MGAM: variants seen among roughly 807,000 people sequenced by gnomAD.
MGAM encodes the protein maltase-glucoamylase, also known as alpha-1,4-glucosidase.
Under a neutral mutation model 358.8 loss-of-function variants are expected in MGAM, and 253 were observed. That is an observed-to-expected ratio of 0.71 (90% CI 0.64 to 0.78). The LOEUF is 0.78. MGAM is among the 30% of genes least tolerant of loss of function. MGAM has a pLI of 0.00. For synonymous variants in MGAM, 1,105 were observed against 1,227.1 expected, an observed-to-expected ratio of 0.90 and a Z score of 2.08; for missense variants, 3,080 against 3,432.6, an observed-to-expected ratio of 0.90 and a Z score of 2.57.
At chr7:142,041,927 TAATATATATATTA>T (rs1563144579) in intron 21 of MGAM, among the ~76,000 whole-genome samples, 1 of 62,854 alleles carries the variant, frequency 1.6e-5, no homozygotes, top group African/African-American at 1.3e-4. Flanking sequence ...GTATAATATA[TAATATATATATTA>T]TATATATACA....
chr7:142,020,477 G>A (rs899522838), intron 4 of MGAM, among the ~76,000 whole-genome samples: 2 of 151,678 alleles, frequency 1.3e-5, no homozygotes, highest in East Asian at 3.9e-4. Context: ...ATGATATCTA[G>A]CTCCAGAATC....
At chr7:142,063,157 C>G (rs1812391364) in intron 35 of MGAM, among the ~76,000 whole-genome samples, 1 of 151,914 alleles carries the variant, frequency 6.6e-6, no homozygotes, top group South Asian at 2.1e-4. Flanking sequence ...AGGATCGCAC[C>G]ATTGCACTCC....
chr7:142,046,914 G>C (rs899251565), intron 21 of MGAM, among the ~76,000 whole-genome samples: 3 of 152,010 alleles, frequency 2.0e-5, no homozygotes, highest in African/African-American at 7.2e-5. Context: ...CAGATCAGGG[G>C]TTGTGATTTA....
At chr7:142,049,224 A>G (rs1401383647) in intron 22 of MGAM, among the ~76,000 whole-genome samples, 1 of 152,142 alleles carries the variant, frequency 6.6e-6, no homozygotes, top group African/African-American at 2.4e-5. Context: ...ATTCTATTGT[A>G]TATATATACC....
In MGAM at chr7:142,021,643, A is replaced by G. The variant is rs782107962; in HGVS notation, c.616A>G (p.Ser206Gly). Residue 206 changes from serine to glycine, a missense_variant, in exon 6 of 71, where the codon AGT becomes GGT. Around this residue, in one of 5 missense-constraint regions of MGAM, gnomAD observed 1,816 missense variants for 1,840.5 expected, o/e 0.99. Transcript: ENST00000475668. ...EVPHEHVQSF[S>G]GNAAASLTYQ... is the part of the protein sequence containing the mutation. Reference sequence around the variant, plus strand: ...GCCCCACGAACACGTGCAGTCCTTCAGTGGAAATGCTGCTGCTTCTTTGAC... The same window carrying G: ...GCCCCACGAACACGTGCAGTCCTTCGGTGGAAATGCTGCTGCTTCTTTGAC... 3.1e-6 allele frequency: 5 copies of G among 1,613,848 alleles called. No individual in the cohort carries two copies. Among genetic ancestry groups the G allele is most frequent in the Non-Finnish European group, 4.2e-6 (5 of 1,179,832 alleles).
chr7:142,105,569 T>G (rs1816791544), intron 70 of MGAM, among the ~76,000 whole-genome samples: 1 of 152,198 alleles, frequency 6.6e-6, no homozygotes, highest in South Asian at 2.1e-4. Context: ...ATTACCGGCG[T>G]GAGCCACCGC....
intron 63 of MGAM, 123 bp from the exon 64 acceptor site, chr7:142,095,442 C>T: frequency 7.2e-7 from 1 of 1,380,784 alleles, no homozygotes; most frequent in Non-Finnish European, 9.9e-7. Flanking sequence ...CTCTGGGCCT[C>T]ATGTGTAGTT....
At chr7:142,071,801 A>G (rs533246673) in intron 44 of MGAM, among the ~76,000 whole-genome samples, 5 of 146,380 alleles carry the variant, frequency 3.4e-5, no homozygotes, top group African/African-American at 1.2e-4. Context: ...AAAACCCTCA[A>G]AAGTCTATGT....
rs911493886 is a variant in MGAM at position 142,094,559 on chromosome 7, A to G, written c.7307-61A>G. 10 of 1,556,870 alleles carry G rather than the reference A, an allele frequency of 6.4e-6. 2 individuals carry two copies. The highest frequency in any genetic ancestry group is 6.2e-6 in the Non-Finnish European group (7 of 1,133,208). On this transcript the variant is annotated intron_variant, in intron 61 of 70. Coordinates refer to ENST00000475668, the MANE Select transcript of MGAM (RefSeq NM_001365693.1). ...CAGGGAGTTGGGATCCTTGGGGAAG[A>G]GGTGAGGAGGCAGGTCGTGAGAGCG... is the stretch of plus-strand genomic sequence containing the variant.
rs899187747 is a variant in MGAM at position 142,081,384 on chromosome 7, C to T, written c.6002+439C>T. ...GATATTGGGGTCAGAGTAGATCTCG[C>T]CAAGAAGGTGATATTTTAATAGGAC... On this transcript the variant is annotated intron_variant, in intron 50 of 70. Transcript: ENST00000475668. 1.4e-4 allele frequency among the ~76,000 whole-genome samples: 16 copies of T among 113,560 alleles called. 1 individual carries two copies. The highest frequency in any genetic ancestry group is 5.0e-4 in the African/African-American group (16 of 31,720). 74.5% of individuals were successfully genotyped at this position (113,560 alleles called of 152,430 possible).
At chr7:142,050,434 A>G (rs1171780427) in intron 23 of MGAM, 150 bp downstream of exon 23, 2 of 1,143,512 alleles carry the variant, frequency 1.7e-6, no homozygotes, top group East Asian at 2.3e-5. Context: ...TTATGATTTC[A>G]TCGATGTTTT....
In MGAM at chr7:142,075,742, C is replaced by T. The variant is rs544765251; in HGVS notation, c.5276-461C>T. Among the ~76,000 whole-genome samples, 75 of 145,930 alleles carry T rather than the reference C, an allele frequency of 5.1e-4. 4 individuals carry two copies. Among genetic ancestry groups the T allele is most frequent in the African/African-American group, 1.8e-3 (75 of 41,174 alleles). The stretch of plus-strand genomic sequence containing the variant: ...AGTCAAAAATCACAGCGAGATGTCA[C>T]CTCACACCTGTTAGCATGGAAATCA... On this transcript the variant is annotated intron_variant, in intron 45 of 70. Coordinates refer to ENST00000475668, the MANE Select transcript of MGAM (RefSeq NM_001365693.1).
intron 57 of MGAM, among the ~76,000 whole-genome samples, chr7:142,088,747 G>GTCTGTCTGTCTGTCTATCTA (rs1311472109): frequency 5.3e-5 from 5 of 93,462 alleles, no homozygotes; most frequent in African/African-American, 2.3e-4. Context: ...CTGTCTGTCT[G>GTCTGTCTGTCTGTCTATCTA]TCTATCTATC....
intron 26 of MGAM, 37 bp downstream of exon 26, chr7:142,053,021 C>G: frequency 6.3e-7 from 1 of 1,597,142 alleles, no homozygotes; most frequent in Non-Finnish European, 8.6e-7. Flanking sequence ...TGATTAGACC[C>G]TTTTCAGTTC....
chr7:142,025,224 G>T, intron 8 of MGAM, 75 bp downstream of exon 8: 1 of 1,144,400 alleles, frequency 8.7e-7, no homozygotes, highest in South Asian at 1.3e-5. Flanking sequence ...ATGATAAAAG[G>T]AATGGATCCC....
rs114969215 is a variant in MGAM at position 142,001,943 on chromosome 7, A to G, written c.-2-3586A>G. 4.2e-3 allele frequency among the ~76,000 whole-genome samples: 633 copies of G among 152,330 alleles called. 3 individuals carry two copies. Among genetic ancestry groups the G allele is most frequent in the African/African-American group, 0.015 (609 of 41,578 alleles). ...AAGGTGGCAATAGATAATAATAACAAAAGAAATTGTAGTTTCATTTTACAG... is the reference window on the plus strand; with the variant it reads ...AAGGTGGCAATAGATAATAATAACAGAAGAAATTGTAGTTTCATTTTACAG... On this transcript the variant is annotated intron_variant, in intron 1 of 70. Transcript: ENST00000475668.
intron 47 of MGAM, among the ~76,000 whole-genome samples, chr7:142,077,996 A>T (rs74372065): frequency 0.015 from 2,151 of 145,436 alleles, 184 homozygotes; most frequent in South Asian, 0.1. Context: ...ACACCCTTCC[A>T]GACAAGACAC....
At position 142,058,277 on chromosome 7, in the gene MGAM, C is replaced by T; in HGVS notation, c.3768C>T (p.Asp1256=). Residue 1256 remains aspartate, a synonymous_variant, in exon 31 of 71, where the codon GAC becomes GAT. Transcript: ENST00000475668. ...FQLCRYGYQN[D]SEIASLYDEM... ...TGTGTCGCTATGGCTACCAGAATGA[C>T]TCTGAGATCGCCAGCTTGTATGATG... 1 of 1,613,920 alleles carries T rather than the reference C, an allele frequency of 6.2e-7. No homozygotes were observed. Among genetic ancestry groups the T allele is most frequent in the Non-Finnish European group, 8.5e-7 (1 of 1,179,842 alleles).
chr7:142,073,538 T>C (rs909813467), intron 44 of MGAM, among the ~76,000 whole-genome samples: 2 of 146,636 alleles, frequency 1.4e-5, no homozygotes, highest in Admixed American at 6.9e-5. Flanking sequence ...TTTCCTATTC[T>C]AAATTCTAAA....
Sources: allele counts gnomAD v4.1 joint callset (sites outside exome capture counted in the v4.1 genomes callset), GRCh38; gene constraint gnomAD v4.1.1; regional missense constraint gnomAD v4.1.1; transcripts MANE v1.5; gene names NCBI Gene and HGNC (gene_info 2026-07-23, HGNC 2026-07-21).